CASZ1: variants seen among roughly 807,000 people sequenced by gnomAD.
CASZ1 encodes castor zinc finger 1.
CASZ1 carries 28 observed loss-of-function variants against 135.2 expected under a neutral mutation model. That is an observed-to-expected ratio of 0.21 (90% CI 0.15 to 0.28). The LOEUF is 0.28. Among genes scored for constraint, CASZ1 ranks in the 10% least tolerant of loss-of-function variants. The pLI is 1.00. For missense variants in CASZ1, 2,161 were observed against 2,453.3 expected (o/e 0.88, Z 2.52); for synonymous variants, 1,068 against 1,073.4 (o/e 0.99, Z 0.10).
At chr1:10,643,801 G>A (rs1322662352) in intron 18 of CASZ1, among the ~76,000 whole-genome samples, 2 of 152,206 alleles carry the variant, frequency 1.3e-5, no homozygotes, top group Non-Finnish European at 1.5e-5. Flanking sequence ...GGGCCTGTCC[G>A]CTGCCATGGC....
At position 10,676,650 on chromosome 1, in the gene CASZ1, G is replaced by A. The variant is rs769852007; in HGVS notation, c.17-11079C>T. Among the ~76,000 whole-genome samples the A allele has an allele frequency of 3.3e-5, 5 of 152,092 alleles. No homozygotes were observed. Among genetic ancestry groups the A allele is most frequent in the Non-Finnish European group, 5.9e-5 (4 of 68,006 alleles). On this transcript the variant is annotated intron_variant, in intron 4 of 20. Transcript: ENST00000377022. This position sits in a 1 kb window ranked among gnomAD's most constrained non-coding sequence, Gnocchi z 4.5. ...CCACAGCAGGCCTCCCTCCACCTTG[G>A]TGCCTGCCCTCGACCAGCCTACAGC...
At position 10,646,421 on chromosome 1, in the gene CASZ1, G is replaced by T; in HGVS notation, c.3498-95C>A. Reference sequence around the variant, plus strand: ...CTTGTGTTGGAGTTCACTCCCCCACGACCAGCGGTACCACCAAGAGGGATG... The same window carrying T: ...CTTGTGTTGGAGTTCACTCCCCCACTACCAGCGGTACCACCAAGAGGGATG... On this transcript the variant is annotated intron_variant, in intron 16 of 20. Coordinates refer to ENST00000377022, the MANE Select transcript of CASZ1 (RefSeq NM_001079843.3). The surrounding 1 kb of genome is among the most constrained non-coding windows in gnomAD (Gnocchi z 6.4). The T allele has an allele frequency of 8.5e-7, 1 of 1,169,812 alleles. No homozygotes were observed. The highest frequency in any genetic ancestry group is 1.2e-6 in the Non-Finnish European group (1 of 805,406). 72.5% of individuals were successfully genotyped at this position (1,169,812 alleles called of 1,614,324 possible). A position where few individuals can be genotyped will look rare whatever the true frequency, so the allele number is the denominator to read the frequency against.
chr1:10,763,886 G>A (rs1640423350), intron 1 of CASZ1, among the ~76,000 whole-genome samples: 1 of 152,098 alleles, frequency 6.6e-6, no homozygotes, highest in African/African-American at 2.4e-5. Flanking sequence ...TTTTTGAGAT[G>A]GAGTCTTGCT....
At position 10,697,366 on chromosome 1, in the gene CASZ1, G is replaced by A. The variant is rs560968887; in HGVS notation, c.-23-3454C>T. On this transcript the variant is annotated intron_variant, in intron 3 of 20. Transcript: ENST00000377022. The surrounding 1 kb of genome is among the most constrained non-coding windows in gnomAD (Gnocchi z 4.7). ...AGACCCCAAAGCCAGGCCACAGTGA[G>A]GACCTTCATGCCCGGGACTCAAGGG... Among the ~76,000 whole-genome samples, 1 of 152,190 alleles carries A rather than the reference G, an allele frequency of 6.6e-6. No homozygotes were observed. Among genetic ancestry groups the A allele is most frequent in the South Asian group, 2.1e-4 (1 of 4,804 alleles).
At chr1:10,730,644 AG>A (rs1256680592) in intron 2 of CASZ1, among the ~76,000 whole-genome samples, 1 of 152,226 alleles carries the variant, frequency 6.6e-6, no homozygotes, top group East Asian at 1.9e-4. Context: ...TGTCACTTCC[AG>A]GGGAAAAAAA....
intron 1 of CASZ1, among the ~76,000 whole-genome samples, chr1:10,784,598 C>T (rs557888562): frequency 7.9e-4 from 121 of 152,276 alleles, no homozygotes; most frequent in Admixed American, 5.0e-3. Context: ...GAGTCTCGCT[C>T]TGTTGCCCAG....
rs959751234 is a variant in CASZ1 at position 10,725,356 on chromosome 1, C to G, written c.-76-19812G>C. 6.6e-6 allele frequency among the ~76,000 whole-genome samples: 1 copy of G among 152,200 alleles called. No homozygotes were observed. Among genetic ancestry groups the G allele is most frequent in the Non-Finnish European group, 1.5e-5 (1 of 68,030 alleles). ...CAGCTGAGCTCCCCTCCCGCCCTCCCTCTCCGGCAGGCTCCTCTCAAGTAC... is the reference window on the plus strand; with the variant it reads ...CAGCTGAGCTCCCCTCCCGCCCTCCGTCTCCGGCAGGCTCCTCTCAAGTAC... On this transcript the variant is annotated intron_variant, in intron 2 of 20. Transcript: ENST00000377022. The surrounding 1 kb of genome is among the most constrained non-coding windows in gnomAD (Gnocchi z 4.4).
chr1:10,729,668 AACGTGGGG>A (rs1639668067), intron 2 of CASZ1, among the ~76,000 whole-genome samples: 1 of 152,204 alleles, frequency 6.6e-6, no homozygotes, highest in African/African-American at 2.4e-5. Context: ...TGCCCTATTC[AACGTGGGG>A]ACATTACGCT....
rs565097183 is a variant in CASZ1, at chr1:10,743,959, G to A, written c.-77+16742C>T. Among the ~76,000 whole-genome samples, 178 of 152,062 alleles carry A rather than the reference G, an allele frequency of 1.2e-3. 1 individual carries two copies. The highest frequency in any genetic ancestry group is 1.9e-3 in the South Asian group (9 of 4,808). On this transcript the variant is annotated intron_variant, in intron 2 of 20. Transcript: ENST00000377022. ...TGTGAAGGATATAAAAAATCCAGCC[G>A]CCTCAGGGGACACCCAACTATCTAG...
chr1:10,791,625 C>CT (rs1237523485), intron 1 of CASZ1, among the ~76,000 whole-genome samples: 11 of 152,136 alleles, frequency 7.2e-5, no homozygotes, highest in Non-Finnish European at 1.3e-4. Flanking sequence ...AAAGCTGACA[C>CT]TTCAGCCTTG....
chr1:10,666,192 T>C lies in CASZ1; in HGVS notation c.17-621A>G, dbSNP rs1285275111. ...CGGCTCCTCTGCCAGGCCAGGTCCC[T>C]GGGCCCTACCTGACTCCAACCCTGC... On this transcript the variant is annotated intron_variant, in intron 4 of 20. Transcript: ENST00000377022. The surrounding 1 kb of genome is among the most constrained non-coding windows in gnomAD (Gnocchi z 5.2). 6.6e-6 allele frequency among the ~76,000 whole-genome samples: 1 copy of C among 152,252 alleles called. No homozygotes were observed. The highest frequency in any genetic ancestry group is 1.9e-4 in the East Asian group (1 of 5,168).
At chr1:10,688,070 C>T (rs1189013708) in intron 4 of CASZ1, among the ~76,000 whole-genome samples, 1 of 152,198 alleles carries the variant, frequency 6.6e-6, no homozygotes, top group Admixed American at 6.5e-5. Context: ...GCGTGAGCCC[C>T]GGCCCGTACC....
Position 10,719,829 on chromosome 1 carries a change from TC to T in CASZ1, c.-76-14286del, listed in dbSNP as rs1639462547. ...TCCCCACAGGCCTGGAACAGGCACC[TC>T]CGGGGTTCAAAGGCCCACAGAAGCC... On this transcript the variant is annotated intron_variant, in intron 2 of 20. Transcript: ENST00000377022. This position sits in a 1 kb window ranked among gnomAD's most constrained non-coding sequence, Gnocchi z 4.0. Among the ~76,000 whole-genome samples, 1 of 152,304 alleles carries T rather than the reference TC, an allele frequency of 6.6e-6. No homozygotes were observed. The highest frequency in any genetic ancestry group is 6.5e-5 in the Admixed American group (1 of 15,306).
chr1:10,730,235 C>T (rs1294621528), intron 2 of CASZ1, among the ~76,000 whole-genome samples: 4 of 151,934 alleles, frequency 2.6e-5, no homozygotes, highest in Non-Finnish European at 4.4e-5. Context: ...CTCAGCCTCC[C>T]GAGTAGCTGG....
rs1050957935 is a variant in CASZ1 at position 10,777,971 on chromosome 1, G to T, written c.-233-17114C>A. 6.7e-6 allele frequency among the ~76,000 whole-genome samples: 1 copy of T among 150,068 alleles called. No individual in the cohort carries two copies. Reference sequence around the variant, plus strand: ...GTCACAACCACATACAATCTCATACGCAATCGCATACACAATCTCATACAG... The same window carrying T: ...GTCACAACCACATACAATCTCATACTCAATCGCATACACAATCTCATACAG... On this transcript the variant is annotated intron_variant, in intron 1 of 20. Transcript: ENST00000377022. The surrounding 1 kb of genome is among the most constrained non-coding windows in gnomAD (Gnocchi z 4.4).
At chr1:10,743,723 T>G (rs1639978081) in intron 2 of CASZ1, among the ~76,000 whole-genome samples, 1 of 149,892 alleles carries the variant, frequency 6.7e-6, no homozygotes, top group African/African-American at 2.5e-5. Context: ...AGAAATCCAG[T>G]GCCCTGTTTG....
intron 4 of CASZ1, among the ~76,000 whole-genome samples, chr1:10,677,841 C>T (rs1638274797): frequency 6.6e-6 from 1 of 152,256 alleles, no homozygotes; most frequent in Non-Finnish European, 1.5e-5. Flanking sequence ...ATTTGAGCCA[C>T]ACATGGCCCA....
In CASZ1 at chr1:10,653,673, A is replaced by G; in HGVS notation, c.2384T>C (p.Leu795Pro). ...PLALALSNSG[L>P]PTPTPYFPIL... ...GGGGAAGTAGGGCGTGGGGGTGGGC[A>G]GGCCCGAGTTGGAGAGGGCCAGGGC... The change falls in exon 11 of 21, where the codon CTG becomes CCG. Residue 795 changes from leucine (L) to proline (P), a missense_variant. Physicochemically the swap from Leu to Pro is moderately conservative, Grantham distance 98. Transcript: ENST00000377022. 6.4e-7 allele frequency: 1 copy of G among 1,559,746 alleles called. No individual in the cohort carries two copies. The highest frequency in any genetic ancestry group is 1.4e-5 in the African/African-American group (1 of 73,626).
At chr1:10,783,291 A>G (rs1201063873) in intron 1 of CASZ1, among the ~76,000 whole-genome samples, 1 of 151,014 alleles carries the variant, frequency 6.6e-6, no homozygotes, top group African/African-American at 2.4e-5. Flanking sequence ...GTGTGTGTAC[A>G]TGTGCACATG....
Sources: allele counts gnomAD v4.1 joint callset (sites outside exome capture counted in the v4.1 genomes callset), GRCh38; gene constraint gnomAD v4.1.1; non-coding constraint Gnocchi (gnomAD v3.1); transcripts MANE v1.5; gene names NCBI Gene and HGNC (gene_info 2026-07-23, HGNC 2026-07-21).